The following TTN variants were observed in gnomAD, a reference collection of about 807,000 sequenced individuals.
TTN encodes titin.
TTN carries 1,525 observed loss-of-function variants against 3,223.0 expected under a neutral mutation model. That is an observed-to-expected ratio of 0.47 (90% CI 0.45 to 0.49). The LOEUF (loss-of-function observed/expected upper bound fraction) is 0.49. TTN is among the 20% of genes least tolerant of loss of function. The pLI, the probability that TTN is intolerant of heterozygous loss-of-function variation, is 0.00. For missense variants in TTN, 40,786 were observed against 43,424.0 expected, an observed-to-expected ratio of 0.94 and a Z score of 5.40; for synonymous variants, 14,094 against 15,161.0, an observed-to-expected ratio of 0.93 and a Z score of 5.17.
In TTN at chr2:178,566,460, C is replaced by G; in HGVS notation, c.79672G>C (p.Glu26558Gln). The change falls in exon 326 of 363, where the codon GAG becomes CAG. Residue 26558 changes from glutamate (E) to glutamine (Q), a missense_variant. By Grantham distance (29) the Glu-to-Gln change is conservative. Transcript: ENST00000589042. ...FEISKLTEHQEYKIRVCALNK... is the reference protein window; with the variant it reads ...FEISKLTEHQQYKIRVCALNK... Reference sequence around the variant, plus strand: ...AGGGCACAGACTCGTATTTTATACTCTTGGTGTTCAGTGAGTTTTGAAATT... The same window carrying G: ...AGGGCACAGACTCGTATTTTATACTGTTGGTGTTCAGTGAGTTTTGAAATT... 2.5e-6 allele frequency: 4 copies of G among 1,613,464 alleles called. No individual in the cohort carries two copies. Among genetic ancestry groups the G allele is most frequent in the African/African-American group, 1.3e-5 (1 of 75,018 alleles).
At chr2:178,800,345 A>C (rs1385957944) in intron 4 of TTN, 50 bp downstream of exon 4, 12 of 1,612,040 alleles carry the variant, frequency 7.4e-6, no homozygotes, top group Non-Finnish European at 1.0e-5. Context: ...CCATTTAGAC[A>C]CAAACCAGCT....
rs761827668 is a variant in TTN, at chr2:178,773,331, T to C, written c.7633A>G (p.Thr2545Ala). 1.2e-6 allele frequency: 2 copies of C among 1,613,884 alleles called. No homozygotes were observed. The highest frequency in any genetic ancestry group is 1.7e-6 in the Non-Finnish European group (2 of 1,180,000). The change falls in exon 33 of 363, where the codon ACA becomes GCA. Residue 2545 changes from threonine (T) to alanine (A), a missense_variant. Transcript: ENST00000589042. ...IIRGLRDLTC[T>A]ETQNVVFEVE... The stretch of plus-strand genomic sequence containing the variant: ...TCAAACACCACATTTTGAGTTTCTG[T>C]ACAGGTAAGGTCACGAAGACCTCTG...
chr2:178,735,784 G>C lies in TTN; in HGVS notation c.14662C>G (p.Pro4888Ala), dbSNP rs376799249. 224 of 1,613,594 alleles carry C rather than the reference G, an allele frequency of 1.4e-4. No individual in the cohort carries two copies. Among genetic ancestry groups the C allele is most frequent in the Non-Finnish European group, 1.8e-4 (213 of 1,179,804 alleles). ...GGCTCTAATTCTTTAATGAAATGTG[G>C]CTTATCAATGATGATCAACTCTGCT... ...CQAELIIIDK[P>A]HFIKELEPVQ... is the part of the protein sequence containing the mutation. The change falls in exon 50 of 363, where the codon CCA becomes GCA. Residue 4888 changes from proline (P) to alanine (A), a missense_variant. Transcript: ENST00000589042.
intron 270 of TTN, 35 bp from the exon 271 acceptor site, chr2:178,610,424 T>C (rs1368901947): frequency 1.3e-6 from 2 of 1,595,610 alleles, no homozygotes; most frequent in South Asian, 2.3e-5. Flanking sequence ...CTAGTAATCC[T>C]GAAAAATCAG....
Position 178,608,708 on chromosome 2 carries a change from G to C in TTN, c.52303C>G (p.Leu17435Val). The change falls in exon 274 of 363, where the codon CTG becomes GTG. Residue 17435 changes from leucine (L) to valine (V), a missense_variant. Transcript: ENST00000589042. The part of the protein sequence containing the change: ...LRHCKYSVTK[L>V]IEGKEYLFRV... Reference sequence around the variant, plus strand: ...AAGAGGTACTCTTTTCCTTCAATCAGTTTTGTTACTGAATATTTGCAATGT... The same window carrying C: ...AAGAGGTACTCTTTTCCTTCAATCACTTTTGTTACTGAATATTTGCAATGT... 1 of 1,612,454 alleles carries C rather than the reference G, an allele frequency of 6.2e-7. No individual in the cohort carries two copies.
intron 43 of TTN, chr2:178,761,031 A>G (rs1475218197): frequency 1.3e-5 from 2 of 152,190 alleles, no homozygotes; most frequent in African/African-American, 2.4e-5. Context: ...TAACAGGTAA[A>G]ACTTTTCTTG....
chr2:178,795,019 T>G lies in TTN; in HGVS notation c.1148A>C (p.Gln383Pro), dbSNP rs768739517. The G allele has an allele frequency of 5.0e-6, 8 of 1,611,838 alleles. No homozygotes were observed. Among genetic ancestry groups the G allele is most frequent in the East Asian group, 2.2e-5 (1 of 44,894 alleles). The change falls in exon 7 of 363, where the codon CAG (glutamine) becomes CCG (proline). Residue 383 changes from glutamine to proline, a missense_variant. Coordinates refer to ENST00000589042, the MANE Select transcript of TTN (RefSeq NM_001267550.2). ...AGCACCACTGATGGTCACTTGCTCC[T>G]GGACACCGTATCTCCCTTCCCATCT... ...EERWEGRYGV[Q>P]EQVTISGAAG...
At chr2:178,743,817 T>G (rs1408250516) in intron 47 of TTN, among the ~76,000 whole-genome samples, 2 of 152,024 alleles carry the variant, frequency 1.3e-5, no homozygotes, top group Non-Finnish European at 2.9e-5. Context: ...TGTGATATAT[T>G]ACATTATGTC....
chr2:178,736,432 A>G (rs546272795), intron 49 of TTN, among the ~76,000 whole-genome samples: 6 of 152,340 alleles, frequency 3.9e-5, no homozygotes, highest in African/African-American at 1.2e-4. Flanking sequence ...AAGGAAGATA[A>G]AGAAAATGTA....
chr2:178,616,851 G>A lies in TTN; in HGVS notation c.48038C>T (p.Thr16013Ile), dbSNP rs746576156. The A allele has an allele frequency of 3.1e-6, 5 of 1,612,494 alleles. No homozygotes were observed. Among genetic ancestry groups the A allele is most frequent in the Non-Finnish European group, 8.5e-7 (1 of 1,179,172 alleles). ...GACAAGTTCGGCATAGGCAGACAAG[G>A]TCTTCATTTTCACCCGGTCCCCTGT... is the stretch of plus-strand genomic sequence containing the variant. ...LETGDRVKMK[T>I]LSAYAELVIS... Residue 16013 changes from threonine (T) to isoleucine (I), a missense_variant, in exon 256 of 363, where the codon ACC becomes ATC. Coordinates refer to ENST00000589042, the MANE Select transcript of TTN (RefSeq NM_001267550.2).
chr2:178,538,235 T>A, intron 354 of TTN: 1 of 461,380 alleles, frequency 2.2e-6, no homozygotes. Context: ...CTTAGGTTCA[T>A]TGAAGTGGCA....
rs780384620 is a variant in TTN, at chr2:178,713,057, A to T, written c.27049+28T>A. 2.5e-6 allele frequency: 4 copies of T among 1,607,582 alleles called. No homozygotes were observed. The East Asian group carries it at 8.9e-5, about 36-fold the overall frequency. ...ACATGCTTAATAAACTATGAAATGC[A>T]ATTCATTTTACTGTTTTGTAAACTG... On this transcript the variant is annotated intron_variant, in intron 93 of 362. Transcript: ENST00000589042.
chr2:178,800,552 G>T lies in TTN; in HGVS notation c.426C>A (p.Ala142=), dbSNP rs56137037. ...GGAAATCAAGGGAGCTCTGGATTTC[G>T]GCTCCATCCCGGTAGAACTTCACCA... ...TPVVKFYRDG[A]EIQSSLDFQI... Residue 142 remains alanine, a synonymous_variant, in exon 4 of 363, where the codon GCC becomes GCA. Coordinates refer to ENST00000589042, the MANE Select transcript of TTN (RefSeq NM_001267550.2). 1 of 1,614,108 alleles carries T rather than the reference G, an allele frequency of 6.2e-7. No individual in the cohort carries two copies. The highest frequency in any genetic ancestry group is 2.2e-5 in the East Asian group (1 of 44,882).
chr2:178,635,197 T>G lies in TTN; in HGVS notation c.41992A>C (p.Lys13998Gln). 6.2e-7 allele frequency: 1 copy of G among 1,613,048 alleles called. No individual in the cohort carries two copies. Among genetic ancestry groups the G allele is most frequent in the Non-Finnish European group, 8.5e-7 (1 of 1,179,440 alleles). The change falls in exon 228 of 363, where the codon AAA becomes CAA. Residue 13998 changes from lysine (K) to glutamine (Q), a missense_variant. Transcript: ENST00000589042. ...GGCCTTAGAAGTTCTCCTTTCAGTTTCCATTGTCCAGGAATGTCTGCCTCT... is the reference window on the plus strand; with the variant it reads ...GGCCTTAGAAGTTCTCCTTTCAGTTGCCATTGTCCAGGAATGTCTGCCTCT... ...ISEADIPGQWKLKGELLRPSP... is the reference protein window; with the variant it reads ...ISEADIPGQWQLKGELLRPSP...
intron 209 of TTN, 79 bp from the exon 210 acceptor site, chr2:178,650,350 G>A: frequency 7.9e-7 from 1 of 1,269,930 alleles, no homozygotes; most frequent in South Asian, 1.5e-5. Flanking sequence ...ACGATAAATA[G>A]TAATCTTGAT....
Position 178,696,272 on chromosome 2 carries a change from A to G in TTN, c.30803-3T>C. On this transcript the variant is annotated splice_polypyrimidine_tract_variant and splice_region_variant and intron_variant, in intron 113 of 362. Coordinates refer to ENST00000589042, the MANE Select transcript of TTN (RefSeq NM_001267550.2). Reference sequence around the variant, plus strand: ...GGATACATCAATGATTTCAGGAGCTAAAATAGATAAAGATACTATTAGCAT... The same window carrying G: ...GGATACATCAATGATTTCAGGAGCTGAAATAGATAAAGATACTATTAGCAT... 1 of 1,520,348 alleles carries G rather than the reference A, an allele frequency of 6.6e-7. No homozygotes were observed. The highest frequency in any genetic ancestry group is 1.3e-5 in the South Asian group (1 of 76,388). The allele number at this position is 1,520,348 out of a possible 1,614,324, so 94.2% of individuals were successfully genotyped here.
At chr2:178,714,705 C>G (rs562014918) in intron 90 of TTN, 132 bp from the exon 91 acceptor site, 1 of 1,047,278 alleles carries the variant, frequency 9.5e-7, no homozygotes, top group African/African-American at 1.6e-5. Context: ...TTGGTGGATG[C>G]GAGCAGGGAC....
rs1423291544 is a variant in TTN, at chr2:178,636,406, A to G, written c.41321T>C (p.Val13774Ala). 1 of 1,603,242 alleles carries G rather than the reference A, an allele frequency of 6.2e-7. No individual in the cohort carries two copies. The highest frequency in any genetic ancestry group is 8.5e-7 in the Non-Finnish European group (1 of 1,174,078). The change falls in exon 225 of 363, where the codon GTT (valine) becomes GCT (alanine). Residue 13774 changes from valine to alanine, a missense_variant. By Grantham distance (64) the Val-to-Ala change is moderately conservative (BLOSUM62 0). Transcript: ENST00000589042. The surrounding 1 kb of genome is among the most constrained non-coding windows in gnomAD (Gnocchi z 4.3). ...NKEKTSTAKL[V>A]VEELPVRFVK... ...AGAAGACTAGAAATTACCTTCTACA[A>G]CAAGTTTAGCCGTGGAGGTCTTTTC...
At chr2:178,615,578 T>C (rs1559822006) in intron 258 of TTN, 63 bp downstream of exon 258, 2 of 1,610,106 alleles carry the variant, frequency 1.2e-6, no homozygotes, top group Non-Finnish European at 1.7e-6. Context: ...TAACTTCAAC[T>C]CTAGGTCTAA....
Sources: gnomAD v4.1 joint callset for allele counts (sites outside exome capture counted in the v4.1 genomes callset) on GRCh38, gnomAD v4.1.1 for gene constraint, Gnocchi (gnomAD v3.1) non-coding constraint, MANE v1.5 for transcripts, NCBI Gene and HGNC (gene_info 2026-07-23, HGNC 2026-07-21) for gene names.